Variants in PCSK5 observed in about 807,000 individuals in gnomAD.
PCSK5 encodes proprotein convertase subtilisin/kexin type 5.
Under a neutral mutation model 233.2 loss-of-function variants are expected in PCSK5, and 129 were observed. That is an observed-to-expected ratio of 0.55 (90% CI 0.48 to 0.64). The LOEUF (loss-of-function observed/expected upper bound fraction) is 0.64, where lower values mean the gene tolerates loss of function less well. Ranked by LOEUF, PCSK5 falls within the 30% of genes least tolerant of loss-of-function variation. The pLI is 0.00. For missense variants in PCSK5, 2,076 were observed against 2,430.1 expected (o/e 0.85, Z 3.06); for synonymous variants, 825 against 879.2 (o/e 0.94, Z 1.09).
At chr9:76,243,543 ACCCAATTGTCAC>A (rs74656064) in intron 24 of PCSK5, among the ~76,000 whole-genome samples, 16,631 of 152,172 alleles carry the variant, frequency 0.11, 923 homozygotes, top group South Asian at 0.13. Context: ...ACTTGGCTGA[ACCCAATTGTCAC>A]CTTATTTCTG....
chr9:76,186,644 C>G (rs976147363), intron 17 of PCSK5, among the ~76,000 whole-genome samples: 1 of 152,172 alleles, frequency 6.6e-6, no homozygotes, highest in African/African-American at 2.4e-5. Flanking sequence ...CATTCCTTCT[C>G]CATACAGTGC....
rs573988772 is a variant in PCSK5 at position 75,896,960 on chromosome 9, G to A, written c.192+5587G>A. ...TCTCCAATTTGAGTTCATCCTGAGA[G>A]TAAAATTAGATCGGAAAGAAAACAA... On this transcript the variant is annotated intron_variant, in intron 1 of 37. Transcript: ENST00000674117. 4.6e-5 allele frequency among the ~76,000 whole-genome samples: 7 copies of A among 152,292 alleles called. No individual in the cohort carries two copies. The East Asian group carries it at 1.4e-3, about 29-fold the overall frequency.
intron 16 of PCSK5, among the ~76,000 whole-genome samples, chr9:76,182,178 A>G (rs541358780): frequency 2.0e-5 from 3 of 152,360 alleles, no homozygotes; most frequent in African/African-American, 7.2e-5. Flanking sequence ...TCAAGTTCCC[A>G]GATGTGCCAG....
chr9:76,064,784 C>T, intron 5 of PCSK5, among the ~76,000 whole-genome samples: 1 of 150,022 alleles, frequency 6.7e-6, no homozygotes, highest in East Asian at 2.0e-4. Context: ...GGCGGCGGGG[C>T]AGAGGCGCTC....
chr9:76,338,243 A>G lies in PCSK5; in HGVS notation c.4762A>G (p.Asn1588Asp), dbSNP rs750666883. Residue 1588 changes from asparagine (N) to aspartate (D), a missense_variant, in exon 35 of 38, where the codon AAC becomes GAC. Asn to Asp is a conservative substitution (Grantham distance 23, BLOSUM62 1). Coordinates refer to ENST00000674117, the MANE Select transcript of PCSK5 (RefSeq NM_001372043.1). Reference sequence around the variant, plus strand: ...CTTTGGTTTCAGATATTACGCAGACAACTCCACTGGCCGGTGTGAGAGGTG... The same window carrying G: ...CTTTGGTTTCAGATATTACGCAGACGACTCCACTGGCCGGTGTGAGAGGTG... ...LQCREGYYAD[N>D]STGRCERCNR... 1.2e-6 allele frequency: 2 copies of G among 1,611,718 alleles called. No individual in the cohort carries two copies. Among genetic ancestry groups the G allele is most frequent in the African/African-American group, 2.7e-5 (2 of 74,912 alleles).
intron 12 of PCSK5, among the ~76,000 whole-genome samples, chr9:76,159,453 C>T (rs911778183): frequency 6.6e-6 from 1 of 152,236 alleles, no homozygotes; most frequent in African/African-American, 2.4e-5. Context: ...AGCACTAACT[C>T]GTAAGGCCTC....
intron 30 of PCSK5, among the ~76,000 whole-genome samples, chr9:76,314,362 C>A (rs1352129823): frequency 4.7e-5 from 7 of 150,370 alleles, no homozygotes; most frequent in Admixed American, 4.7e-4. Flanking sequence ...ATAGCGGAAT[C>A]CCTCATCTTT....
chr9:75,964,505 A>G (rs568984080), intron 2 of PCSK5, among the ~76,000 whole-genome samples: 1 of 152,198 alleles, frequency 6.6e-6, no homozygotes, highest in Admixed American at 6.5e-5. Context: ...ACACAGTTGA[A>G]AAAAACATGC....
At chr9:76,268,598 CTT>C (rs1587820637) in intron 24 of PCSK5, among the ~76,000 whole-genome samples, 1 of 152,220 alleles carries the variant, frequency 6.6e-6, no homozygotes. Context: ...AATCCCAACA[CTT>C]TGGGAGGCTG....
intron 24 of PCSK5, among the ~76,000 whole-genome samples, chr9:76,279,857 G>T (rs1827813909): frequency 6.6e-6 from 1 of 151,560 alleles, no homozygotes; most frequent in African/African-American, 2.4e-5. Context: ...CTCCCATTTT[G>T]TAGGTTGCCT....
At chr9:75,985,725 G>A (rs1481100756) in intron 2 of PCSK5, among the ~76,000 whole-genome samples, 2 of 152,064 alleles carry the variant, frequency 1.3e-5, no homozygotes, top group African/African-American at 2.4e-5. Context: ...CAGAGACCAC[G>A]TGACCTGCAA....
intron 29 of PCSK5, 39 bp from the exon 30 acceptor site, chr9:76,310,614 CATG>C: frequency 7.5e-7 from 1 of 1,340,572 alleles, no homozygotes; most frequent in East Asian, 2.5e-5. Flanking sequence ...TGGAAAACCA[CATG>C]ATGACTATTC....
chr9:75,990,435 C>T lies in PCSK5; in HGVS notation c.411+4190C>T, dbSNP rs546346070. Among the ~76,000 whole-genome samples, 46 of 152,256 alleles carry T rather than the reference C, an allele frequency of 3.0e-4. No individual in the cohort carries two copies. In the South Asian group the frequency reaches 9.5e-3, roughly 32 times the overall value. ...TGGGCAATATATTCAGGGAAGAGTACATTTATGAGAGTTTGTTATGGAGAT... is the reference window on the plus strand; with the variant it reads ...TGGGCAATATATTCAGGGAAGAGTATATTTATGAGAGTTTGTTATGGAGAT... On this transcript the variant is annotated intron_variant, in intron 3 of 37. Coordinates refer to ENST00000674117, the MANE Select transcript of PCSK5 (RefSeq NM_001372043.1).
intron 5 of PCSK5, among the ~76,000 whole-genome samples, chr9:76,063,444 G>T (rs1830114376): frequency 9.5e-6 from 1 of 105,376 alleles, no homozygotes; most frequent in Non-Finnish European, 1.9e-5. Flanking sequence ...GTGAACAAAG[G>T]TCTCTGGTTT....
At position 76,027,023 on chromosome 9, in the gene PCSK5, A is replaced by G. The variant is rs1237900806; in HGVS notation, c.618A>G (p.Ala206=). The change falls in exon 5 of 38, where the codon GCA becomes GCG. Residue 206 remains alanine (A), a synonymous_variant. Coordinates refer to ENST00000674117, the MANE Select transcript of PCSK5 (RefSeq NM_001372043.1). Reference sequence around the variant, plus strand: ...TGGACCCAATGCCTCGTTATGATGCAAGCAACGAGAACAAGTAAGGCCCAA... The same window carrying G: ...TGGACCCAATGCCTCGTTATGATGCGAGCAACGAGAACAAGTAAGGCCCAA... ...NDLDPMPRYD[A]SNENKHGTRC... 3 of 1,608,538 alleles carry G rather than the reference A, an allele frequency of 1.9e-6. No individual in the cohort carries two copies. Among genetic ancestry groups the G allele is most frequent in the Non-Finnish European group, 2.5e-6 (3 of 1,176,866 alleles).
intron 3 of PCSK5, among the ~76,000 whole-genome samples, chr9:75,991,928 T>G (rs1402683063): frequency 6.6e-6 from 1 of 151,460 alleles, no homozygotes; most frequent in Admixed American, 6.6e-5. Context: ...TCTAAAAAAA[T>G]GTAAAATAAA....
In PCSK5 at chr9:76,350,912, A is replaced by G. The variant is rs1587366038; in HGVS notation, c.5051A>G (p.Glu1684Gly). The change falls in exon 36 of 38, where the codon GAA (glutamate) becomes GGA (glycine). Residue 1684 changes from glutamate (E) to glycine (G), a missense_variant. Glu to Gly is a moderately conservative substitution (Grantham distance 98). This residue lies in a region of PCSK5 where 1,510 missense variants were observed against 1,538.1 expected (regional missense o/e 0.98). Transcript: ENST00000674117. ...GICTSDCLVG[E>G]YRVGEGEKFN... Reference sequence around the variant, plus strand: ...TGCACCTCGGACTGTCTTGTGGGGGAATACAGAGTGGGAGAGGTATGGAGG... The same window carrying G: ...TGCACCTCGGACTGTCTTGTGGGGGGATACAGAGTGGGAGAGGTATGGAGG... The G allele has an allele frequency of 6.3e-7, 1 of 1,597,060 alleles. No homozygotes were observed. Among genetic ancestry groups the G allele is most frequent in the Non-Finnish European group, 8.6e-7 (1 of 1,166,472 alleles).
chr9:76,271,225 A>C (rs1395947572), intron 24 of PCSK5, among the ~76,000 whole-genome samples: 1 of 152,216 alleles, frequency 6.6e-6, no homozygotes, highest in African/African-American at 2.4e-5. Context: ...TACAGAAAAA[A>C]AATCAAAGCA....
chr9:76,310,161 T>C (rs1828823065), intron 29 of PCSK5, among the ~76,000 whole-genome samples: 1 of 151,050 alleles, frequency 6.6e-6, no homozygotes, highest in African/African-American at 2.4e-5. Context: ...AGTAGGAGAA[T>C]CGCTTGAACC....
Sources: gnomAD v4.1 joint callset for allele counts (sites outside exome capture counted in the v4.1 genomes callset) on GRCh38, gnomAD v4.1.1 for gene constraint, gnomAD v4.1.1 regional missense constraint, MANE v1.5 for transcripts, NCBI Gene and HGNC (gene_info 2026-07-23, HGNC 2026-07-21) for gene names.